Variants in AJAP1 observed in about 807,000 individuals in gnomAD.
AJAP1 encodes the protein adherens junctions associated protein 1.
Under a neutral mutation model 35.0 loss-of-function variants are expected in AJAP1, and 5 were observed. The ratio of observed to expected loss-of-function variants is 0.14; its 90% CI spans 0.07 to 0.30. The LOEUF is 0.30. Among genes scored for constraint, AJAP1 ranks in the 10% least tolerant of loss-of-function variants. The pLI is 1.00. For synonymous variants in AJAP1, 284 were observed against 249.3 expected, an observed-to-expected ratio of 1.14 and a Z score of -1.31; for missense variants, 586 against 571.0, an observed-to-expected ratio of 1.03 and a Z score of -0.27.
intron 2 of AJAP1, among the ~76,000 whole-genome samples, chr1:4,761,953 G>T (rs186041005): frequency 6.6e-6 from 1 of 151,938 alleles, no homozygotes; most frequent in Non-Finnish European, 1.5e-5. Flanking sequence ...TGACACCCTC[G>T]CAGACCCATC....
At chr1:4,697,014 C>T (rs1015036090) in intron 1 of AJAP1, among the ~76,000 whole-genome samples, 18 of 150,938 alleles carry the variant, frequency 1.2e-4, no homozygotes, top group South Asian at 4.2e-4. Flanking sequence ...GCTTTCTCTA[C>T]GCACACATGG....
intron 1 of AJAP1, among the ~76,000 whole-genome samples, chr1:4,664,654 C>T (rs548037262): frequency 2.6e-5 from 4 of 152,068 alleles, no homozygotes; most frequent in South Asian, 2.1e-4. Flanking sequence ...CGATTTTGCT[C>T]ATTTCCTGGG....
At chr1:4,776,972 A>C (rs1294196245) in intron 5 of AJAP1, among the ~76,000 whole-genome samples, 3 of 152,182 alleles carry the variant, frequency 2.0e-5, no homozygotes, top group Admixed American at 2.0e-4. Context: ...TGGCCTCCTG[A>C]AGTAGCTGTG....
intron 1 of AJAP1, among the ~76,000 whole-genome samples, chr1:4,707,712 G>A (rs2100257454): frequency 6.6e-6 from 1 of 152,220 alleles, no homozygotes; most frequent in South Asian, 2.1e-4. Flanking sequence ...AGTTGTGAGT[G>A]TGGCCCTGGG....
chr1:4,771,044 T>G (rs1165402401), intron 3 of AJAP1, among the ~76,000 whole-genome samples: 1 of 152,082 alleles, frequency 6.6e-6, no homozygotes, highest in Non-Finnish European at 1.5e-5. Flanking sequence ...CCACTGGCCA[T>G]CTCGGTGAAG....
rs577331289 is a variant in AJAP1 at position 4,747,580 on chromosome 1, C to T, written c.830-22273C>T. 9.2e-5 allele frequency among the ~76,000 whole-genome samples: 14 copies of T among 152,346 alleles called. No individual in the cohort carries two copies. The East Asian group carries it at 2.7e-3, about 29-fold the overall frequency. On this transcript the variant is annotated intron_variant, in intron 2 of 5. Transcript: ENST00000378191. The stretch of plus-strand genomic sequence containing the variant: ...CTTGGGCCCCATTCTACCTGACGTG[C>T]AAAACCTCCACCTTGAGTGAGAGCA...
intron 1 of AJAP1, among the ~76,000 whole-genome samples, chr1:4,697,342 AG>A (rs1313248329): frequency 6.6e-6 from 1 of 152,256 alleles, no homozygotes; most frequent in Non-Finnish European, 1.5e-5. Context: ...GAGAAATCAA[AG>A]GAAGCCATTT....
intron 2 of AJAP1, among the ~76,000 whole-genome samples, chr1:4,743,871 TTGA>T (rs1331064417): frequency 1.3e-5 from 2 of 152,110 alleles, no homozygotes; most frequent in Admixed American, 1.3e-4. Flanking sequence ...TGATTCAGTC[TTGA>T]TGATATAATT....
At chr1:4,731,753 A>G (rs1640802070) in intron 2 of AJAP1, among the ~76,000 whole-genome samples, 3 of 152,220 alleles carry the variant, frequency 2.0e-5, no homozygotes, top group African/African-American at 7.2e-5. Flanking sequence ...AGAGAAGCAC[A>G]CAGGGCCGCC....
In AJAP1 at chr1:4,716,382, C is replaced by T. The variant is rs141437050; in HGVS notation, c.829+3683C>T. Among the ~76,000 whole-genome samples, 170 of 152,298 alleles carry T rather than the reference C, an allele frequency of 1.1e-3. 1 individual carries two copies. In the East Asian group the frequency reaches 0.032, roughly 29 times the overall value. On this transcript the variant is annotated intron_variant, in intron 2 of 5. Transcript: ENST00000378191. ...TGCCAGTGGGTATGATAGAGTTAAC[C>T]ATCTCATAATGTTGTTGTAAAGATT...
At chr1:4,764,442 G>C (rs775319590) in intron 2 of AJAP1, among the ~76,000 whole-genome samples, 1 of 152,190 alleles carries the variant, frequency 6.6e-6, no homozygotes, top group Non-Finnish European at 1.5e-5. Flanking sequence ...CCTCTGATCT[G>C]TCCACCACTG....
intron 2 of AJAP1, among the ~76,000 whole-genome samples, chr1:4,716,210 C>T (rs1640385606): frequency 6.6e-6 from 1 of 152,194 alleles, no homozygotes; most frequent in Non-Finnish European, 1.5e-5. Context: ...AAAGGGTCCC[C>T]TGTCAGGATT....
In AJAP1 at chr1:4,712,718, T is replaced by G. The variant is rs1640293051; in HGVS notation, c.829+19T>G. The G allele has an allele frequency of 6.7e-7, 1 of 1,500,292 alleles. No homozygotes were observed. The highest frequency in any genetic ancestry group is 2.3e-5 in the Admixed American group (1 of 43,640). 92.9% of individuals were successfully genotyped at this position (1,500,292 alleles called of 1,614,324 possible). On this transcript the variant is annotated intron_variant, in intron 2 of 5. Transcript: ENST00000378191. ...GCCTCAGGTACAGCCATCTCTCTTC[T>G]GGTTTGGGTTTGCTTGGGGTTGAGG...
intron 2 of AJAP1, among the ~76,000 whole-genome samples, chr1:4,713,799 G>A (rs2100270479): frequency 6.6e-6 from 1 of 152,358 alleles, no homozygotes. Flanking sequence ...AAAGTGGGCG[G>A]GGGCGCCCTG....
chr1:4,712,458 A>G lies in AJAP1; in HGVS notation c.588A>G (p.Thr196=). The G allele has an allele frequency of 6.2e-7, 1 of 1,610,672 alleles. No individual in the cohort carries two copies. The highest frequency in any genetic ancestry group is 1.3e-5 in the African/African-American group (1 of 74,864). The change falls in exon 2 of 6, where the codon ACA becomes ACG. Residue 196 remains threonine (T), a synonymous_variant. Coordinates refer to ENST00000378191, the MANE Select transcript of AJAP1 (RefSeq NM_018836.4). ...TGDEEALESN[T]FPGVYGPTTV... ...ACGAGGAGGCCCTGGAGTCCAACAC[A>G]TTTCCGGGCGTTTACGGCCCCACCA...
chr1:4,732,041 C>G (rs1308520203), intron 2 of AJAP1, among the ~76,000 whole-genome samples: 1 of 152,256 alleles, frequency 6.6e-6, no homozygotes, highest in Non-Finnish European at 1.5e-5. Context: ...GCAGGAGCCC[C>G]CTTTCTGAGT....
chr1:4,715,100 G>C (rs1640358897), intron 2 of AJAP1, among the ~76,000 whole-genome samples: 1 of 152,210 alleles, frequency 6.6e-6, no homozygotes, highest in Admixed American at 6.5e-5. Context: ...CTGGGACAGA[G>C]GGCTGAACTC....
At chr1:4,766,660 G>A (rs1019880308) in intron 2 of AJAP1, among the ~76,000 whole-genome samples, 3 of 152,110 alleles carry the variant, frequency 2.0e-5, no homozygotes, top group Admixed American at 6.6e-5. Flanking sequence ...TGAAGCACAC[G>A]GCTGTTTACT....
At chr1:4,712,755 G>C (rs1420670104) in intron 2 of AJAP1, 56 bp downstream of exon 2, 3 of 1,467,506 alleles carry the variant, frequency 2.0e-6, no homozygotes, top group Non-Finnish European at 2.7e-6. Flanking sequence ...CTGGGAGCGT[G>C]ACTCGGGAGA....
Sources: allele counts gnomAD v4.1 joint callset (sites outside exome capture counted in the v4.1 genomes callset), GRCh38; gene constraint gnomAD v4.1.1; transcripts MANE v1.5; gene names NCBI Gene and HGNC (gene_info 2026-07-23, HGNC 2026-07-21).